The following EFCAB6 variants were observed in gnomAD, a reference collection of about 807,000 sequenced individuals.
EFCAB6 encodes EF-hand calcium-binding domain-containing protein 6.
EFCAB6 carries 156 observed loss-of-function variants against 169.8 expected under a neutral mutation model. The ratio of observed to expected loss-of-function variants is 0.92; its 90% confidence interval spans 0.81 to 1.05. The LOEUF (loss-of-function observed/expected upper bound fraction) is 1.05, where lower values mean the gene tolerates loss of function less well. EFCAB6 is among the 50% of genes least tolerant of loss of function. EFCAB6 has a pLI of 0.00. For missense variants in EFCAB6, 1,800 were observed against 1,829.1 expected, an observed-to-expected ratio of 0.98 and a Z score of 0.29; for synonymous variants, 698 against 676.4, an observed-to-expected ratio of 1.03 and a Z score of -0.50.
In EFCAB6 at chr22:43,735,897, C is replaced by G. The variant is rs2060120764; in HGVS notation, c.604G>C (p.Glu202Gln). 6.2e-7 allele frequency: 1 copy of G among 1,614,016 alleles called. No homozygotes were observed. Among genetic ancestry groups the G allele is most frequent in the East Asian group, 2.2e-5 (1 of 44,894 alleles). Residue 202 changes from glutamate to glutamine, a missense_variant, in exon 7 of 32, where the codon GAG (glutamate) becomes CAG (glutamine). Coordinates refer to ENST00000262726, the MANE Select transcript of EFCAB6 (RefSeq NM_022785.4). ...TCTCTTAACTTCATACAGAAGGTCT[C>G]CAGAACCCTTCTTAGCTCCTGCGGT... is the stretch of plus-strand genomic sequence containing the variant. ...VRPQELRRVL[E>Q]TFCMKLRDEE...
In EFCAB6 at chr22:43,626,607, G is replaced by C. The variant is rs2054542199; in HGVS notation, c.2305C>G (p.Leu769Val). ...AGATTAAGCAGTAGATGCAGGAGCAGTCTGTGAAGGTCATGCATGTTGATT... is the reference window on the plus strand; with the variant it reads ...AGATTAAGCAGTAGATGCAGGAGCACTCTGTGAAGGTCATGCATGTTGATT... ...GIINMHDLHR[L>V]LLHLLLNLKD... is the part of the protein sequence containing the mutation. The change falls in exon 20 of 32, where the codon CTG (leucine) becomes GTG (valine). Residue 769 changes from leucine (L) to valine (V), a missense_variant. Transcript: ENST00000262726. 1 of 1,614,132 alleles carries C rather than the reference G, an allele frequency of 6.2e-7. No individual in the cohort carries two copies. Among genetic ancestry groups the C allele is most frequent in the African/African-American group, 1.3e-5 (1 of 74,942 alleles).
At chr22:43,697,620 T>G (rs886088239) in intron 10 of EFCAB6, among the ~76,000 whole-genome samples, 12 of 152,098 alleles carry the variant, frequency 7.9e-5, no homozygotes, top group African/African-American at 2.9e-4. Flanking sequence ...AAAAAACACA[T>G]GAATAACCAT....
chr22:43,731,294 T>A (rs2059938298), intron 8 of EFCAB6, among the ~76,000 whole-genome samples: 1 of 152,150 alleles, frequency 6.6e-6, no homozygotes, highest in Non-Finnish European at 1.5e-5. Flanking sequence ...CCTTTTCTGT[T>A]AAGATTTTTC....
intron 27 of EFCAB6, among the ~76,000 whole-genome samples, chr22:43,543,801 C>T (rs1437376909): frequency 1.3e-5 from 2 of 152,170 alleles, no homozygotes; most frequent in Non-Finnish European, 1.5e-5. Context: ...AGGGACCCCT[C>T]TCAGGCACTG....
intron 29 of EFCAB6, 163 bp from the exon 30 acceptor site, chr22:43,535,035 C>T (rs924913019): frequency 5.7e-6 from 4 of 697,812 alleles, no homozygotes; most frequent in Admixed American, 3.1e-5. Context: ...TGGAGACAGA[C>T]ATGTGACAAA....
At chr22:43,613,549 G>T (rs1031549396) in intron 21 of EFCAB6, among the ~76,000 whole-genome samples, 2 of 152,100 alleles carry the variant, frequency 1.3e-5, no homozygotes, top group Non-Finnish European at 2.9e-5. Flanking sequence ...TTACAAGTGG[G>T]AGCTAAATGA....
Position 43,765,375 on chromosome 22 carries a change from C to T in EFCAB6, c.370G>A (p.Gly124Ser). The part of the protein sequence containing the change: ...VLAQIPLSTS[G>S]TVPYLAFLSR... ...AGAAAGGCAAGGTACGGTACAGTAC[C>T]AGAGGTGCTAAGGGGGATCTACAGT... Residue 124 changes from glycine to serine, a missense_variant, in exon 5 of 32, where the codon GGT (glycine) becomes AGT (serine). Gly to Ser is a moderately conservative substitution (Grantham distance 56, BLOSUM62 0). Transcript: ENST00000262726. 6.2e-7 allele frequency: 1 copy of T among 1,612,016 alleles called. No homozygotes were observed. The highest frequency in any genetic ancestry group is 8.5e-7 in the Non-Finnish European group (1 of 1,178,754).
chr22:43,690,763 C>T (rs1033255866), intron 10 of EFCAB6, among the ~76,000 whole-genome samples: 3 of 151,578 alleles, frequency 2.0e-5, no homozygotes, highest in African/African-American at 7.3e-5. Context: ...GTCCCTTCTG[C>T]TTGTTGCTTC....
intron 10 of EFCAB6, among the ~76,000 whole-genome samples, chr22:43,701,157 CA>C (rs2058751423): frequency 6.6e-6 from 1 of 152,136 alleles, no homozygotes; most frequent in South Asian, 2.1e-4. Context: ...CTGACTCCAC[CA>C]CTTTCTCCCT....
intron 21 of EFCAB6, among the ~76,000 whole-genome samples, chr22:43,609,895 C>T (rs1482507041): frequency 2.6e-5 from 4 of 152,140 alleles, no homozygotes; most frequent in African/African-American, 9.7e-5. Flanking sequence ...CAGTAATACC[C>T]ACGGGCTGTG....
chr22:43,584,905 C>T (rs2050957713), intron 24 of EFCAB6, among the ~76,000 whole-genome samples: 1 of 152,124 alleles, frequency 6.6e-6, no homozygotes, highest in Non-Finnish European at 1.5e-5. Flanking sequence ...ACCCAGAAAA[C>T]AGGAGAGGAA....
intron 23 of EFCAB6, among the ~76,000 whole-genome samples, chr22:43,598,328 A>ACAACAAC (rs1569223256): frequency 1.6e-5 from 2 of 124,292 alleles, no homozygotes; most frequent in East Asian, 7.4e-4. Flanking sequence ...AAAAAAAAAA[A>ACAACAAC]AAAAAAAAAA....
At chr22:43,768,847 T>G (rs2061391523) in intron 4 of EFCAB6, among the ~76,000 whole-genome samples, 1 of 152,328 alleles carries the variant, frequency 6.6e-6, no homozygotes, top group East Asian at 1.9e-4. Flanking sequence ...TAAGGACACA[T>G]AGCAGGAAAT....
At chr22:43,569,788 T>G (rs1213198435) in intron 26 of EFCAB6, among the ~76,000 whole-genome samples, 3 of 152,178 alleles carry the variant, frequency 2.0e-5, no homozygotes, top group Non-Finnish European at 2.9e-5. Flanking sequence ...GTGAGTGAAA[T>G]TCAAGGGAAA....
At chr22:43,679,701 G>A (rs781455931) in intron 12 of EFCAB6, among the ~76,000 whole-genome samples, 3 of 152,092 alleles carry the variant, frequency 2.0e-5, no homozygotes, top group East Asian at 1.9e-4. Context: ...GTGGTATCTC[G>A]TGGCTTTGAG....
chr22:43,723,421 C>A (rs1233135740), intron 8 of EFCAB6, among the ~76,000 whole-genome samples: 1 of 152,060 alleles, frequency 6.6e-6, no homozygotes, highest in African/African-American at 2.4e-5. Flanking sequence ...TGCACATGTA[C>A]CCCTGTATCT....
intron 13 of EFCAB6, 108 bp from the exon 14 acceptor site, chr22:43,672,413 C>T: frequency 4.2e-6 from 5 of 1,200,970 alleles, no homozygotes; most frequent in Non-Finnish European, 5.9e-6. Flanking sequence ...CCCTAATTAG[C>T]CATTAGCTTT....
intron 3 of EFCAB6, among the ~76,000 whole-genome samples, chr22:43,779,883 A>G (rs2061759314): frequency 6.6e-6 from 1 of 152,238 alleles, no homozygotes; most frequent in Non-Finnish European, 1.5e-5. Context: ...CAATACAAAG[A>G]GAGCTCATAC....
At chr22:43,571,935 C>T (rs757409623) in intron 26 of EFCAB6, among the ~76,000 whole-genome samples, 4 of 152,150 alleles carry the variant, frequency 2.6e-5, no homozygotes, top group African/African-American at 4.8e-5. Flanking sequence ...CATGCTTTTC[C>T]GATTTGTCTG....
Sources: gnomAD v4.1 joint callset for allele counts (sites outside exome capture counted in the v4.1 genomes callset) on GRCh38, gnomAD v4.1.1 for gene constraint, MANE v1.5 for transcripts, NCBI Gene and HGNC (gene_info 2026-07-23, HGNC 2026-07-21) for gene names.